Variants in SOS2 observed in about 807,000 individuals in gnomAD.
SOS2 encodes son of sevenless homolog 2.
SOS2 carries 65 observed loss-of-function variants against 148.2 expected under a neutral mutation model. That is an observed-to-expected ratio of 0.44 (90% CI 0.36 to 0.54). The LOEUF is 0.54. Among genes scored for constraint, SOS2 ranks in the 20% least tolerant of loss-of-function variants. SOS2 has a pLI of 0.00. For missense variants in SOS2, 1,341 were observed against 1,590.2 expected (o/e 0.84, Z 2.67); for synonymous variants, 539 against 537.1 (o/e 1.00, Z -0.05).
intron 16 of SOS2, among the ~76,000 whole-genome samples, chr14:50,144,213 T>A (rs1884387648): frequency 6.6e-6 from 1 of 152,020 alleles, no homozygotes; most frequent in Admixed American, 6.6e-5. Flanking sequence ...TAAATTATGA[T>A]TTATCCATGA....
chr14:50,170,052 A>T (rs937859835), intron 8 of SOS2, among the ~76,000 whole-genome samples: 23 of 151,314 alleles, frequency 1.5e-4, no homozygotes, highest in Admixed American at 4.6e-4. Flanking sequence ...CAGCCTCCCT[A>T]GTAGCCGGGA....
intron 1 of SOS2, among the ~76,000 whole-genome samples, chr14:50,205,839 G>A (rs1462591010): frequency 6.7e-6 from 1 of 150,180 alleles, no homozygotes; most frequent in Non-Finnish European, 1.5e-5. Flanking sequence ...AGGATTGCTT[G>A]AACCTGGGAG....
chr14:50,144,866 T>C lies in SOS2; in HGVS notation c.2667+304A>G, dbSNP rs77128793. 4.9e-4 allele frequency among the ~76,000 whole-genome samples: 75 copies of C among 152,330 alleles called. 1 individual carries two copies. In the East Asian group the frequency reaches 0.014, roughly 28 times the overall value. On this transcript the variant is annotated intron_variant, in intron 16 of 22. Coordinates refer to ENST00000216373, the MANE Select transcript of SOS2 (RefSeq NM_006939.4). The stretch of plus-strand genomic sequence containing the variant: ...TTTGAGACTATCAATCAATGTGTTA[T>C]TGAATAAATCCACTTGGAACTTCAT...
At chr14:50,155,545 G>A (rs12435065) in intron 12 of SOS2, among the ~76,000 whole-genome samples, 30,018 of 151,876 alleles carry the variant, frequency 0.2, 3,169 homozygotes, top group East Asian at 0.44. Context: ...TAATTACTCT[G>A]GCCTAATCTT....
At chr14:50,172,854 A>AT (rs1451520940) in intron 8 of SOS2, among the ~76,000 whole-genome samples, 3 of 152,052 alleles carry the variant, frequency 2.0e-5, no homozygotes, top group Non-Finnish European at 4.4e-5. Context: ...AAAGATGGAG[A>AT]TTTTCTGGTG....
intron 21 of SOS2, among the ~76,000 whole-genome samples, chr14:50,126,169 A>G (rs1343476940): frequency 1.3e-5 from 2 of 152,206 alleles, no homozygotes; most frequent in African/African-American, 4.8e-5. Context: ...AAGAGACTAC[A>G]ACTAATACAA....
chr14:50,164,716 C>T (rs569101528), intron 8 of SOS2, among the ~76,000 whole-genome samples: 52 of 152,280 alleles, frequency 3.4e-4, no homozygotes, highest in African/African-American at 1.2e-3. Context: ...TGCCCCCATT[C>T]GCTTTCTACA....
At chr14:50,204,254 G>C in intron 2 of SOS2, 30 bp downstream of exon 2, 3 of 1,485,196 alleles carry the variant, frequency 2.0e-6, no homozygotes, top group Non-Finnish European at 2.7e-6. Context: ...GTGGTTGAGT[G>C]ACTTTTTGAA....
chr14:50,174,728 C>T (rs1885470068), intron 7 of SOS2, among the ~76,000 whole-genome samples, 176 bp from the exon 8 acceptor site: 1 of 152,136 alleles, frequency 6.6e-6, no homozygotes, highest in South Asian at 2.1e-4. Flanking sequence ...TCTCCCTTTC[C>T]TCCTTTAAGT....
intron 1 of SOS2, among the ~76,000 whole-genome samples, chr14:50,225,718 A>C (rs1338875598): frequency 2.0e-5 from 3 of 152,184 alleles, no homozygotes; most frequent in Admixed American, 2.0e-4. Context: ...ATGTCACAAA[A>C]ATCACAGGAT....
chr14:50,150,339 C>A, intron 13 of SOS2, 109 bp from the exon 14 acceptor site: 1 of 740,808 alleles, frequency 1.3e-6, no homozygotes, highest in Non-Finnish European at 2.3e-6. Context: ...CAACTCATGG[C>A]CAATTTTTAT....
intron 21 of SOS2, among the ~76,000 whole-genome samples, chr14:50,125,294 T>C (rs2139491898): frequency 6.6e-6 from 1 of 152,300 alleles, no homozygotes; most frequent in East Asian, 1.9e-4. Context: ...TGCCAGAAGG[T>C]AGAAGAAGCA....
Position 50,118,801 on chromosome 14 carries a change from G to C in SOS2, c.3542C>G (p.Pro1181Arg), listed in dbSNP as rs746932412. The C allele has an allele frequency of 1.9e-6, 3 of 1,566,952 alleles. No homozygotes were observed. The Admixed American group carries it at 5.5e-5, about 29-fold the overall frequency. ...AACTCTGGGTTTTACCTTTGGAGGA[G>C]GAGGCTGTCTCGGTGGAATAGCAGG... ...DPPAIPPRQP[P>R]PPKVKPRVPV... Residue 1181 changes from proline (P) to arginine (R), a missense_variant, in exon 23 of 23, where the codon CCT becomes CGT. This residue lies in a region of SOS2 where 354 missense variants were observed against 347.7 expected (regional missense o/e 1.02). Transcript: ENST00000216373.
intron 4 of SOS2, among the ~76,000 whole-genome samples, chr14:50,196,209 C>T (rs1886305513): frequency 6.6e-6 from 1 of 152,046 alleles, no homozygotes; most frequent in Non-Finnish European, 1.5e-5. Context: ...AGATTTATTG[C>T]ACAGTATGGT....
At position 50,118,714 on chromosome 14, in the gene SOS2, T is replaced by C. The variant is rs760582921; in HGVS notation, c.3629A>G (p.Asp1210Gly). 1.2e-6 allele frequency: 2 copies of C among 1,612,624 alleles called. No homozygotes were observed. The highest frequency in any genetic ancestry group is 8.5e-7 in the Non-Finnish European group (1 of 1,179,834). ...TGGTGGAGGGGTATCAGGAAGAGGATCTCTTGGTGGTGGCGGAGGTGGACT... is the reference window on the plus strand; with the variant it reads ...TGGTGGAGGGGTATCAGGAAGAGGACCTCTTGGTGGTGGCGGAGGTGGACT... ...LHSPPPPPPR[D>G]PLPDTPPPVP... The change falls in exon 23 of 23, where the codon GAT (aspartate) becomes GGT (glycine). Residue 1210 changes from aspartate to glycine, a missense_variant. Around this residue, in one of 4 missense-constraint regions of SOS2, gnomAD observed 354 missense variants for 347.7 expected, o/e 1.02. Coordinates refer to ENST00000216373, the MANE Select transcript of SOS2 (RefSeq NM_006939.4).
intron 14 of SOS2, among the ~76,000 whole-genome samples, chr14:50,146,623 G>A (rs886698209): frequency 5.3e-5 from 8 of 152,066 alleles, no homozygotes; most frequent in South Asian, 4.1e-4. Flanking sequence ...CTCCAGCCTG[G>A]GCAACAGAGT....
chr14:50,200,836 G>A lies in SOS2; in HGVS notation c.345+117C>T, dbSNP rs1257649343. 4 of 794,422 alleles carry A rather than the reference G, an allele frequency of 5.0e-6. No individual in the cohort carries two copies. In the South Asian group the frequency reaches 5.5e-5, roughly 11 times the overall value. The allele number at this position is 794,422 out of a possible 1,614,324, so 49.2% of individuals were successfully genotyped here. A position where few individuals can be genotyped will look rare whatever the true frequency, so the allele number is the denominator to read the frequency against. On this transcript the variant is annotated intron_variant, in intron 3 of 22. Coordinates refer to ENST00000216373, the MANE Select transcript of SOS2 (RefSeq NM_006939.4). ...ATGTGTATGTACAAGCATACATATG[G>A]AAGTGCACATATACACACTAACACA...
At chr14:50,121,576 A>G (rs1259999319) in intron 21 of SOS2, among the ~76,000 whole-genome samples, 1 of 148,228 alleles carries the variant, frequency 6.7e-6, no homozygotes, top group Admixed American at 6.8e-5. Flanking sequence ...CTGATACAAA[A>G]GGTACGCCTA....
intron 4 of SOS2, among the ~76,000 whole-genome samples, chr14:50,196,323 T>C (rs1886308420): frequency 6.6e-6 from 1 of 152,168 alleles, no homozygotes; most frequent in South Asian, 2.1e-4. Flanking sequence ...ACATAGTAGG[T>C]GTATATATGT....
Sources: gnomAD v4.1 joint callset for allele counts (sites outside exome capture counted in the v4.1 genomes callset) on GRCh38, gnomAD v4.1.1 for gene constraint, gnomAD v4.1.1 regional missense constraint, MANE v1.5 for transcripts, NCBI Gene and HGNC (gene_info 2026-07-23, HGNC 2026-07-21) for gene names.